Variants in PCDH9 observed in about 807,000 individuals in gnomAD.
PCDH9 encodes protocadherin-9.
PCDH9 carries 24 observed loss-of-function variants against 70.6 expected under a neutral mutation model. That is an observed-to-expected ratio of 0.34 (90% CI 0.25 to 0.48). PCDH9 has a LOEUF of 0.48. Among genes scored for constraint, PCDH9 ranks in the 20% least tolerant of loss-of-function variants. The pLI is 0.99. For missense variants in PCDH9, 1,281 were observed against 1,503.6 expected, an observed-to-expected ratio of 0.85 and a Z score of 2.45; for synonymous variants, 562 against 558.5, an observed-to-expected ratio of 1.01 and a Z score of -0.09.
At chr13:66,380,482 A>G (rs1485732326) in intron 4 of PCDH9, among the ~76,000 whole-genome samples, 1 of 150,300 alleles carries the variant, frequency 6.7e-6, no homozygotes, top group Non-Finnish European at 1.5e-5. Flanking sequence ...TGTAATGAGT[A>G]TAGTAGATTA....
At chr13:66,868,285 TTA>T (rs904215218) in intron 3 of PCDH9, among the ~76,000 whole-genome samples, 37 of 152,034 alleles carry the variant, frequency 2.4e-4, no homozygotes, top group Non-Finnish European at 1.0e-4. Context: ...AATTCTATAA[TTA>T]GTTTTATAAT....
At chr13:66,712,933 T>A (rs1359888848) in intron 3 of PCDH9, among the ~76,000 whole-genome samples, 1 of 152,174 alleles carries the variant, frequency 6.6e-6, no homozygotes, top group East Asian at 1.9e-4. Flanking sequence ...TGAAAAAGGA[T>A]AATTAAAATA....
At chr13:67,178,376 A>ATAAAT (rs2088523338) in intron 2 of PCDH9, among the ~76,000 whole-genome samples, 1 of 152,120 alleles carries the variant, frequency 6.6e-6, no homozygotes, top group South Asian at 2.1e-4. Flanking sequence ...ATTGGAAAGA[A>ATAAAT]TAAATGAGAT....
At chr13:66,331,867 T>C (rs778982098) in intron 4 of PCDH9, among the ~76,000 whole-genome samples, 3 of 152,312 alleles carry the variant, frequency 2.0e-5, no homozygotes, top group Non-Finnish European at 4.4e-5. Context: ...CTTCTATGTT[T>C]ATTTAGGAGA....
rs189788260 is a variant in PCDH9 at position 66,996,840 on chromosome 13, A to C, written c.3037-93235T>G. On this transcript the variant is annotated intron_variant, in intron 2 of 4. Coordinates refer to ENST00000377865, the MANE Select transcript of PCDH9 (RefSeq NM_203487.3). ...GGTGGAGACCTTACTCCAAATGCAA[A>C]ATTAAAGGATTTTTATAGAAAATTC... Among the ~76,000 whole-genome samples the C allele has an allele frequency of 2.1e-3, 317 of 152,310 alleles. No homozygotes were observed. The Middle Eastern group carries it at 0.024, about 11-fold the overall frequency.
At chr13:66,514,231 C>T (rs1476952360) in intron 4 of PCDH9, among the ~76,000 whole-genome samples, 1 of 152,086 alleles carries the variant, frequency 6.6e-6, no homozygotes, top group African/African-American at 2.4e-5. Flanking sequence ...TTTGCTAAGA[C>T]GTCGCTGCCT....
chr13:66,594,453 A>G (rs1251383202), intron 4 of PCDH9, among the ~76,000 whole-genome samples: 1 of 150,764 alleles, frequency 6.6e-6, no homozygotes, highest in Non-Finnish European at 1.5e-5. Context: ...TTAAGGTAAC[A>G]TCAGGTTACT....
intron 2 of PCDH9, among the ~76,000 whole-genome samples, chr13:67,107,004 T>C (rs956762037): frequency 2.0e-5 from 3 of 152,138 alleles, no homozygotes; most frequent in Non-Finnish European, 1.5e-5. Flanking sequence ...AGGTGCTCCT[T>C]GGCATGAACA....
intron 3 of PCDH9, among the ~76,000 whole-genome samples, chr13:66,794,712 C>T (rs554369998): frequency 5.9e-5 from 9 of 152,232 alleles, no homozygotes; most frequent in African/African-American, 2.2e-4. Flanking sequence ...TACTGTATTG[C>T]AGCCTGTTAA....
chr13:66,315,126 C>G (rs561825876), intron 4 of PCDH9, among the ~76,000 whole-genome samples: 1 of 152,250 alleles, frequency 6.6e-6, no homozygotes, highest in Non-Finnish European at 1.5e-5. Context: ...GAGGGCAGCC[C>G]CCCACTGGGC....
At chr13:66,802,704 T>G (rs2080346003) in intron 3 of PCDH9, among the ~76,000 whole-genome samples, 1 of 152,096 alleles carries the variant, frequency 6.6e-6, no homozygotes, top group Admixed American at 6.5e-5. Flanking sequence ...AATATTTGAT[T>G]TATTAAATGT....
intron 3 of PCDH9, among the ~76,000 whole-genome samples, chr13:66,671,309 G>A (rs747306822): frequency 3.9e-5 from 6 of 152,114 alleles, no homozygotes; most frequent in Non-Finnish European, 4.4e-5. Context: ...TAATTTGGTA[G>A]AGTGGGGTAC....
intron 3 of PCDH9, among the ~76,000 whole-genome samples, chr13:66,652,043 G>A (rs1330167252): frequency 1.3e-5 from 2 of 152,070 alleles, no homozygotes; most frequent in African/African-American, 2.4e-5. Context: ...CAGACCCAGA[G>A]CTAGTGTCAT....
chr13:66,809,300 C>A (rs753769258), intron 3 of PCDH9, among the ~76,000 whole-genome samples: 4 of 152,054 alleles, frequency 2.6e-5, no homozygotes, highest in Admixed American at 6.6e-5. Context: ...ATAAAAATTA[C>A]CGTGTATACA....
At chr13:66,345,872 C>T (rs138035522) in intron 4 of PCDH9, among the ~76,000 whole-genome samples, 9 of 152,260 alleles carry the variant, frequency 5.9e-5, no homozygotes, top group African/African-American at 1.7e-4. Context: ...TTTACAATAA[C>T]ACTCCCTGTT....
intron 3 of PCDH9, among the ~76,000 whole-genome samples, chr13:66,895,836 T>C (rs2082169055): frequency 1.3e-5 from 2 of 152,250 alleles, no homozygotes; most frequent in South Asian, 2.1e-4. Context: ...CAGTGGAAGA[T>C]ACTATGGTTG....
At chr13:66,478,381 A>T (rs1958772050) in intron 4 of PCDH9, among the ~76,000 whole-genome samples, 1 of 152,226 alleles carries the variant, frequency 6.6e-6, no homozygotes, top group Non-Finnish European at 1.5e-5. Context: ...GAGGAATCAC[A>T]AGCCTCTCAC....
chr13:67,018,436 T>C (rs751888240), intron 2 of PCDH9, among the ~76,000 whole-genome samples: 72 of 151,874 alleles, frequency 4.7e-4, no homozygotes, highest in Non-Finnish European at 5.7e-4. Context: ...CTGGTCAACA[T>C]AGTGAAACCC....
intron 3 of PCDH9, among the ~76,000 whole-genome samples, chr13:66,810,152 T>A (rs990538933): frequency 2.6e-5 from 4 of 152,192 alleles, no homozygotes; most frequent in African/African-American, 9.6e-5. Flanking sequence ...TATTTTATAA[T>A]CATTGTATAT....
Sources: allele counts gnomAD v4.1 joint callset (sites outside exome capture counted in the v4.1 genomes callset), GRCh38; gene constraint gnomAD v4.1.1; transcripts MANE v1.5; gene names NCBI Gene and HGNC (gene_info 2026-07-23, HGNC 2026-07-21).